Variants in GOLGA1 observed in about 807,000 individuals in gnomAD.
GOLGA1 encodes golgin subfamily A member 1.
Under a neutral mutation model 119.7 loss-of-function variants are expected in GOLGA1, and 63 were observed. The ratio of observed to expected loss-of-function variants is 0.53; its 90% confidence interval spans 0.43 to 0.65. The LOEUF is 0.65. GOLGA1 is among the 30% of genes least tolerant of loss of function. The pLI is 0.00. For synonymous variants in GOLGA1, 318 were observed against 333.4 expected (o/e 0.95, Z 0.50); for missense variants, 798 against 912.8 (o/e 0.87, Z 1.62).
At position 124,889,169 on chromosome 9, in the gene GOLGA1, C is replaced by T. The variant is rs191239055; in HGVS notation, c.1735G>A (p.Glu579Lys). Residue 579 changes from glutamate to lysine, a missense_variant, in exon 18 of 23, where the codon GAA (glutamate) becomes AAA (lysine). Transcript: ENST00000373555. Reference protein sequence around the residue: ...LLRLRGPLQAEALSVNESHVT... With the variant: ...LLRLRGPLQAKALSVNESHVT... ...TGCGACTCATTGACTGAGAGTGCTT[C>T]GGCCTGCAATGGGCCCCGCAGCCTC... 8 of 1,611,580 alleles carry T rather than the reference C, an allele frequency of 5.0e-6. No individual in the cohort carries two copies. The highest frequency in any genetic ancestry group is 2.2e-5 in the East Asian group (1 of 44,866).
rs1197898768 is a variant in GOLGA1, at chr9:124,911,908, A to G, written c.962T>C (p.Leu321Pro). ...LSGEEHLQEL[L>P]KEKTLAEQNL... ...AAAGAGAACAGAAGTTACCTCTTTC[A>G]GGAGTTCTTGCAAGTGTTCTTCTCC... is the stretch of plus-strand genomic sequence containing the variant. Residue 321 changes from leucine to proline, a missense_variant, in exon 11 of 23, where the codon CTG becomes CCG. Physicochemically the swap from Leu to Pro is moderately conservative, Grantham distance 98. Transcript: ENST00000373555. The G allele has an allele frequency of 1.2e-6, 2 of 1,612,590 alleles. No individual in the cohort carries two copies. Among genetic ancestry groups the G allele is most frequent in the East Asian group, 4.5e-5 (2 of 44,860 alleles).
intron 7 of GOLGA1, among the ~76,000 whole-genome samples, chr9:124,925,526 G>C (rs1009172851): frequency 1.3e-5 from 2 of 151,758 alleles, no homozygotes; most frequent in Admixed American, 1.3e-4. Flanking sequence ...AACCAGCCTG[G>C]GCAACACAGT....
rs567219398 is a variant in GOLGA1 at position 124,889,390 on chromosome 9, G to C, written c.1600+44C>G. ...AAGGCCGTCACAAGGCAGGATGCTG[G>C]GCCTGAAAAGGAGAGAAGGCTCAGC... On this transcript the variant is annotated intron_variant, in intron 17 of 22. Coordinates refer to ENST00000373555, the MANE Select transcript of GOLGA1 (RefSeq NM_002077.4). The C allele has an allele frequency of 1.9e-6, 3 of 1,585,894 alleles. No individual in the cohort carries two copies. The Admixed American group carries it at 5.0e-5, about 26-fold the overall frequency.
At chr9:124,899,199 C>CAA in intron 14 of GOLGA1, 130 bp downstream of exon 14, 4 of 765,620 alleles carry the variant, frequency 5.2e-6, no homozygotes, top group Non-Finnish European at 8.1e-6. Context: ...CTGTCTCAAA[C>CAA]AAAAAAAAAG....
chr9:124,915,711 AAAG>A (rs1230520548), intron 10 of GOLGA1, among the ~76,000 whole-genome samples: 1 of 152,142 alleles, frequency 6.6e-6, no homozygotes, highest in African/African-American at 2.4e-5. Flanking sequence ...TGAAAACAAA[AAAG>A]GTTGAGGTTG....
upstream of GOLGA1, among the ~76,000 whole-genome samples, chr9:124,941,487 C>G (rs886633701): frequency 2.0e-5 from 3 of 152,238 alleles, no homozygotes; most frequent in South Asian, 6.2e-4. Flanking sequence ...CCCGGTCCCG[C>G]CGCACCCTAG....
upstream of GOLGA1, chr9:124,942,502 A>G (rs892494393): frequency 2.0e-5 from 3 of 152,316 alleles, no homozygotes; most frequent in Non-Finnish European, 4.4e-5. Context: ...AAACATTGAC[A>G]AACTAACAAG....
chr9:124,938,481 A>C (rs1284267873), intron 3 of GOLGA1, 96 bp downstream of exon 3: 2 of 1,043,484 alleles, frequency 1.9e-6, no homozygotes, highest in East Asian at 4.7e-5. Context: ...GTACAGCTAT[A>C]AACCATGAAA....
chr9:124,899,757 C>T (rs1830059280), intron 13 of GOLGA1, among the ~76,000 whole-genome samples: 1 of 152,240 alleles, frequency 6.6e-6, no homozygotes, highest in African/African-American at 2.4e-5. Context: ...CTCCTTCACA[C>T]TACTCAGTGT....
chr9:124,908,098 A>G (rs681170), intron 12 of GOLGA1, among the ~76,000 whole-genome samples: 149,624 of 152,204 alleles, frequency 0.98, 73,593 homozygotes, highest in East Asian at 1. Context: ...CATATTTTAA[A>G]ACAACCCAAC....
chr9:124,889,201 TCCTCCTGCTCCGCGACCACTGCAG>T lies in GOLGA1; in HGVS notation c.1679_1702del (p.Ala560_Glu567del), dbSNP rs749810594. ...CAATGGGCCCCGCAGCCTCAGCAGG[TCCTCCTGCTCCGCGACCACTGCAG>T]CCTCCTCCGCCTTGAGGGTCCTCAG... On this transcript the variant is annotated inframe_deletion, in exon 18 of 23. Coordinates refer to ENST00000373555, the MANE Select transcript of GOLGA1 (RefSeq NM_002077.4). 7 of 1,612,242 alleles carry T rather than the reference TCCTCCTGCTCCGCGACCACTGCAG, an allele frequency of 4.3e-6. No individual in the cohort carries two copies. The highest frequency in any genetic ancestry group is 5.9e-6 in the Non-Finnish European group (7 of 1,179,458).
chr9:124,908,630 G>A (rs1830277612), intron 11 of GOLGA1, among the ~76,000 whole-genome samples, 158 bp from the exon 12 acceptor site: 1 of 152,216 alleles, frequency 6.6e-6, no homozygotes, highest in Non-Finnish European at 1.5e-5. Flanking sequence ...ATATCATAAA[G>A]TACACACAGA....
At chr9:124,895,532 T>C (rs1588065433) in intron 15 of GOLGA1, among the ~76,000 whole-genome samples, 4 of 113,832 alleles carry the variant, frequency 3.5e-5, no homozygotes, top group South Asian at 3.0e-4. Flanking sequence ...ACAGAGACCC[T>C]CCACAACAGA....
chr9:124,903,273 A>T (rs543106424), intron 12 of GOLGA1, among the ~76,000 whole-genome samples: 2 of 152,140 alleles, frequency 1.3e-5, no homozygotes, highest in African/African-American at 4.8e-5. Context: ...GGATCACTTG[A>T]GGCCAGGAGT....
intron 1 of GOLGA1, 65 bp downstream of exon 1, chr9:124,940,906 G>C (rs189447905): frequency 2.7e-4 from 41 of 152,448 alleles, no homozygotes; most frequent in African/African-American, 7.9e-4. Context: ...CCGCTGTGGG[G>C]ACAGACCGAG....
At chr9:124,904,008 A>G (rs1276508168) in intron 12 of GOLGA1, among the ~76,000 whole-genome samples, 1 of 151,988 alleles carries the variant, frequency 6.6e-6, no homozygotes, top group African/African-American at 2.4e-5. Flanking sequence ...GGTTGCAGTG[A>G]GCCGAGATCG....
chr9:124,929,182 A>C, intron 5 of GOLGA1, 34 bp downstream of exon 5: 1 of 1,298,004 alleles, frequency 7.7e-7, no homozygotes, highest in Non-Finnish European at 1.1e-6. Context: ...CTAAACCTTG[A>C]AAAGATTGAA....
At chr9:124,907,049 A>T (rs961322297) in intron 12 of GOLGA1, among the ~76,000 whole-genome samples, 1 of 152,192 alleles carries the variant, frequency 6.6e-6, no homozygotes, top group East Asian at 1.9e-4. Flanking sequence ...ATAAATAGTT[A>T]AAGTCAACCT....
intron 12 of GOLGA1, among the ~76,000 whole-genome samples, chr9:124,905,951 A>G (rs1474784927): frequency 6.6e-6 from 1 of 151,460 alleles, no homozygotes; most frequent in African/African-American, 2.4e-5. Context: ...CGTCTCTGCT[A>G]AAAATACAAA....
Sources: gnomAD v4.1 joint callset for allele counts (sites outside exome capture counted in the v4.1 genomes callset) on GRCh38, gnomAD v4.1.1 for gene constraint, MANE v1.5 for transcripts, NCBI Gene and HGNC (gene_info 2026-07-23, HGNC 2026-07-21) for gene names.